Variants in N4BP2 observed in about 807,000 individuals in gnomAD.
N4BP2 encodes NEDD4-binding protein 2.
A neutral mutation model predicts 152.8 loss-of-function variants in N4BP2; 91 were observed. The observed-to-expected ratio is 0.60, with a 90% CI of 0.50 to 0.71. N4BP2 has a LOEUF of 0.71. Ranked by LOEUF, N4BP2 falls within the 30% of genes least tolerant of loss-of-function variation. The pLI, the probability that N4BP2 is intolerant of heterozygous loss-of-function variation, is 0.00. For missense variants in N4BP2, 1,923 were observed against 2,059.1 expected (o/e 0.93, Z 1.28); for synonymous variants, 646 against 705.3 (o/e 0.92, Z 1.33).
intron 2 of N4BP2, among the ~76,000 whole-genome samples, chr4:40,080,136 C>G (rs1007790506): frequency 6.6e-6 from 1 of 151,834 alleles, no homozygotes; most frequent in African/African-American, 2.4e-5. Flanking sequence ...TATGAAGATG[C>G]TATACAAGGT....
intron 1 of N4BP2, among the ~76,000 whole-genome samples, chr4:40,073,138 T>G (rs1712379278): frequency 6.6e-6 from 1 of 152,214 alleles, no homozygotes; most frequent in Non-Finnish European, 1.5e-5. Flanking sequence ...TGTTGTTCCT[T>G]ATACATTTAG....
chr4:40,152,690 A>G, intron 16 of N4BP2, 90 bp from the exon 17 acceptor site: 1 of 1,443,532 alleles, frequency 6.9e-7, no homozygotes, highest in Non-Finnish European at 9.6e-7. Flanking sequence ...CATGAAAACA[A>G]TTTCATGTGC....
intron 2 of N4BP2, among the ~76,000 whole-genome samples, chr4:40,085,264 G>A (rs554733018): frequency 6.6e-6 from 1 of 151,654 alleles, no homozygotes; most frequent in South Asian, 2.1e-4. Flanking sequence ...GGCTGGTCTT[G>A]ACCTCAGGCA....
intron 3 of N4BP2, chr4:40,099,987 T>C (rs1715481486): frequency 2.2e-6 from 1 of 445,582 alleles, no homozygotes; most frequent in African/African-American, 2.0e-5. Flanking sequence ...TCCTAATTGG[T>C]CTCTGCCAGG....
intron 16 of N4BP2, 132 bp from the exon 17 acceptor site, chr4:40,152,648 T>C (rs187021233): frequency 1.1e-3 from 957 of 839,780 alleles, no homozygotes; most frequent in Non-Finnish European, 1.5e-3. Context: ...GTCTTACTAT[T>C]ACAGTTTTGA....
intron 2 of N4BP2, among the ~76,000 whole-genome samples, chr4:40,082,826 G>A (rs1036212109): frequency 4.0e-5 from 6 of 151,594 alleles, no homozygotes; most frequent in African/African-American, 1.5e-4. Context: ...TCAGCCTCCC[G>A]AGTAGCTGGG....
At position 40,102,351 on chromosome 4, in the gene N4BP2, A is replaced by T; in HGVS notation, c.506A>T (p.Asp169Val). The T allele has an allele frequency of 6.2e-7, 1 of 1,613,316 alleles. No homozygotes were observed. Among genetic ancestry groups the T allele is most frequent in the South Asian group, 1.1e-5 (1 of 90,964 alleles). ...GTATACTCATTTTTGCCTTCACAAG[A>T]TGTTAATAGTTTTAATGACTCAAGT... ...DQVYSFLPSQ[D>V]VNSFNDSSEF... is the part of the protein sequence containing the mutation. The change falls in exon 4 of 18, where the codon GAT (aspartate) becomes GTT (valine). Residue 169 changes from aspartate (D) to valine (V), a missense_variant. Transcript: ENST00000261435.
At chr4:40,072,167 C>T (rs957620035) in intron 1 of N4BP2, among the ~76,000 whole-genome samples, 4 of 151,982 alleles carry the variant, frequency 2.6e-5, no homozygotes, top group Non-Finnish European at 2.9e-5. Context: ...CTCCGCCTTC[C>T]GGGTTCAAGT....
intron 2 of N4BP2, chr4:40,082,998 C>T: frequency 4.0e-6 from 1 of 248,898 alleles, no homozygotes; most frequent in Non-Finnish European, 8.1e-6. Flanking sequence ...CCGCACCCGG[C>T]CGGGCTGTAT....
At chr4:40,182,123 T>TCA in the N4BP2 span, among the ~76,000 whole-genome samples, 351 of 152,292 alleles carry the variant, frequency 2.3e-3, no homozygotes, top group African/African-American at 7.2e-3. Flanking sequence ...CAGTTGAAAA[T>TCA]TATGTTCTGT....
At chr4:40,160,281 T>C (rs937560695), downstream of N4BP2, among the ~76,000 whole-genome samples, 10 of 152,216 alleles carry the variant, frequency 6.6e-5, no homozygotes, top group African/African-American at 2.4e-4. Context: ...CTATTTAATA[T>C]AGGATATATG....
chr4:40,143,857 A>G (rs1218206471), intron 15 of N4BP2, among the ~76,000 whole-genome samples: 2 of 152,156 alleles, frequency 1.3e-5, no homozygotes, highest in East Asian at 1.9e-4. Context: ...GAGACAGACC[A>G]GTAGGATATA....
In N4BP2 at chr4:40,102,378, A is replaced by G; in HGVS notation, c.533A>G (p.Glu178Gly). ...QDVNSFNDSS[E>G]FINPDSSNMT... is the part of the protein sequence containing the mutation. ...GTTAATAGTTTTAATGACTCAAGTG[A>G]GTTTATAAATCCTGATTCAAGTAAT... Residue 178 changes from glutamate to glycine, a missense_variant, in exon 4 of 18, where the codon GAG (glutamate) becomes GGG (glycine). Physicochemically the swap from Glu to Gly is moderately conservative, Grantham distance 98 (BLOSUM62 -2). Transcript: ENST00000261435. 6.2e-7 allele frequency: 1 copy of G among 1,612,662 alleles called. No homozygotes were observed.
intron 16 of N4BP2, among the ~76,000 whole-genome samples, chr4:40,152,346 G>T (rs570385832): frequency 6.6e-6 from 1 of 152,248 alleles, no homozygotes; most frequent in Middle Eastern, 3.4e-3. Flanking sequence ...AAAGCTTGAT[G>T]GCTTTAGAAT....
chr4:40,113,319 C>A, intron 6 of N4BP2, 113 bp from the exon 7 acceptor site: 1 of 744,908 alleles, frequency 1.3e-6, no homozygotes, highest in Non-Finnish European at 2.2e-6. Flanking sequence ...CATTTTAACA[C>A]ACTCATCAAG....
the N4BP2 span, among the ~76,000 whole-genome samples, chr4:40,169,836 G>A: frequency 6.6e-6 from 1 of 151,404 alleles, no homozygotes; most frequent in East Asian, 1.9e-4. Flanking sequence ...GTGGTGGCAG[G>A]CGTCTGTAAT....
chr4:40,115,123 G>A (rs1192122695), intron 7 of N4BP2, among the ~76,000 whole-genome samples: 1 of 151,960 alleles, frequency 6.6e-6, no homozygotes, highest in African/African-American at 2.4e-5. Flanking sequence ...AATCAATTTT[G>A]CTTTTTTTAT....
rs1712421551 is a variant in N4BP2, at chr4:40,073,557, T to C, written c.-115+6T>C. The C allele has an allele frequency of 1.4e-5, 2 of 143,976 alleles. No individual in the cohort carries two copies. The highest frequency in any genetic ancestry group is 4.9e-5 in the African/African-American group (2 of 40,678). The allele number at this position is 143,976 out of a possible 1,614,324, so 8.9% of individuals were successfully genotyped here. A position where few individuals can be genotyped will look rare whatever the true frequency, so the allele number is the denominator to read the frequency against. On this transcript the variant is annotated splice_donor_region_variant and intron_variant, in intron 2 of 17. Transcript: ENST00000261435. The stretch of plus-strand genomic sequence containing the variant: ...GCATCGATGCTAGACAGACAGTAAG[T>C]GTTATTAAAGTTGTAGAGTATGAAT...
chr4:40,187,110 G>A, the N4BP2 span, among the ~76,000 whole-genome samples: 6 of 152,202 alleles, frequency 3.9e-5, no homozygotes, highest in Non-Finnish European at 7.3e-5. Context: ...TAATTGGTGA[G>A]GAAGAAGGGA....
Sources: allele counts gnomAD v4.1 joint callset (sites outside exome capture counted in the v4.1 genomes callset), GRCh38; gene constraint gnomAD v4.1.1; transcripts MANE v1.5; gene names NCBI Gene and HGNC (gene_info 2026-07-23, HGNC 2026-07-21).